Variants in ASTN2 observed in about 807,000 individuals in gnomAD.
The protein encoded by ASTN2 is astrotactin-2.
A neutral mutation model predicts 139.8 loss-of-function variants in ASTN2; 54 were observed. The ratio of observed to expected loss-of-function variants is 0.39; its 90% confidence interval spans 0.31 to 0.48. The LOEUF is 0.48. ASTN2 is among the 20% of genes least tolerant of loss of function. The pLI is 0.95. For synonymous variants in ASTN2, 756 were observed against 719.5 expected (o/e 1.05, Z -0.81); for missense variants, 1,565 against 1,725.1 (o/e 0.91, Z 1.64).
chr9:117,342,863 A>C (rs1245036431), intron 1 of ASTN2, among the ~76,000 whole-genome samples: 2 of 152,198 alleles, frequency 1.3e-5, no homozygotes, highest in African/African-American at 4.8e-5. Context: ...TGGGGAAGCC[A>C]AGGGTACTGT....
At chr9:116,726,048 GC>G in intron 15 of ASTN2, 98 bp from the exon 16 acceptor site, 1 of 1,213,998 alleles carries the variant, frequency 8.2e-7, no homozygotes, top group South Asian at 1.5e-5. Flanking sequence ...TGTATTTTGT[GC>G]CTTACCCCTC....
intron 13 of ASTN2, among the ~76,000 whole-genome samples, chr9:116,759,203 T>A (rs1829611333): frequency 6.6e-6 from 1 of 152,198 alleles, no homozygotes; most frequent in Non-Finnish European, 1.5e-5. Flanking sequence ...ATATCTATCA[T>A]AGACTCTACC....
At chr9:116,449,166 G>A (rs1453435939) in intron 20 of ASTN2, among the ~76,000 whole-genome samples, 1 of 152,202 alleles carries the variant, frequency 6.6e-6, no homozygotes, top group Non-Finnish European at 1.5e-5. Flanking sequence ...AGCACTTTGG[G>A]AGACCGAGGC....
At chr9:116,849,918 A>G (rs528855986) in intron 11 of ASTN2, among the ~76,000 whole-genome samples, 1 of 152,302 alleles carries the variant, frequency 6.6e-6, no homozygotes, top group Non-Finnish European at 1.5e-5. Context: ...GTGGGTATAT[A>G]TTTATTCAGC....
chr9:116,482,048 C>G (rs557752859), intron 20 of ASTN2, among the ~76,000 whole-genome samples: 1 of 152,172 alleles, frequency 6.6e-6, no homozygotes, highest in Admixed American at 6.5e-5. Context: ...ACTACCCGGC[C>G]GGGCACAGTG....
intron 3 of ASTN2, among the ~76,000 whole-genome samples, chr9:117,185,031 A>G (rs1831162867): frequency 6.6e-6 from 1 of 152,120 alleles, no homozygotes; most frequent in South Asian, 2.1e-4. Flanking sequence ...TCCACGATTG[A>G]GGCACTGTAT....
At chr9:116,501,943 G>GCA (rs1170357471) in intron 19 of ASTN2, among the ~76,000 whole-genome samples, 4 of 150,958 alleles carry the variant, frequency 2.6e-5, no homozygotes, top group East Asian at 1.9e-4. Flanking sequence ...ACTCGCACTT[G>GCA]CACACACACA....
chr9:116,609,914 T>C (rs2131794676), intron 19 of ASTN2, among the ~76,000 whole-genome samples: 1 of 152,228 alleles, frequency 6.6e-6, no homozygotes, highest in East Asian at 1.9e-4. Context: ...ATGTTAGATA[T>C]TCATGCTGTA....
intron 13 of ASTN2, among the ~76,000 whole-genome samples, chr9:116,801,279 G>C (rs1483620232): frequency 2.0e-5 from 3 of 152,038 alleles, no homozygotes; most frequent in Admixed American, 1.3e-4. Context: ...CAGGAAGGGA[G>C]ACTTGAAAAA....
chr9:117,259,266 A>G (rs1285203495), intron 2 of ASTN2, among the ~76,000 whole-genome samples: 3 of 152,176 alleles, frequency 2.0e-5, no homozygotes, highest in Non-Finnish European at 2.9e-5. Context: ...GTATTCACTC[A>G]TCCCTGCTTT....
At chr9:116,457,132 G>C (rs1848356327) in intron 20 of ASTN2, among the ~76,000 whole-genome samples, 1 of 152,164 alleles carries the variant, frequency 6.6e-6, no homozygotes, top group Non-Finnish European at 1.5e-5. Flanking sequence ...ATGGTGCTGA[G>C]AAAACTGGGT....
At chr9:117,036,505 C>T (rs1257522299) in intron 6 of ASTN2, among the ~76,000 whole-genome samples, 2 of 152,166 alleles carry the variant, frequency 1.3e-5, no homozygotes, top group African/African-American at 4.8e-5. Context: ...AGGGAGCATC[C>T]CTTTCATATG....
chr9:116,834,826 T>C (rs1252244811), intron 11 of ASTN2, among the ~76,000 whole-genome samples: 1 of 152,170 alleles, frequency 6.6e-6, no homozygotes, highest in African/African-American at 2.4e-5. Context: ...GGCAGGATGG[T>C]CACTTAAGGC....
chr9:117,013,534 A>G (rs1458704261), intron 6 of ASTN2, among the ~76,000 whole-genome samples: 2 of 151,014 alleles, frequency 1.3e-5, no homozygotes, highest in African/African-American at 2.4e-5. Context: ...TCATCTAATT[A>G]GCTAAATGGA....
chr9:116,885,692 CA>C (rs908403611), intron 10 of ASTN2, among the ~76,000 whole-genome samples: 9 of 150,794 alleles, frequency 6.0e-5, no homozygotes, highest in African/African-American at 1.7e-4. Context: ...AACAAACAAA[CA>C]AAAAAAAACC....
chr9:116,817,280 C>T (rs1022598582), intron 12 of ASTN2, among the ~76,000 whole-genome samples: 65 of 148,300 alleles, frequency 4.4e-4, no homozygotes, highest in African/African-American at 1.6e-3. Context: ...GGTGACAGAG[C>T]GAGACTCCAT....
chr9:116,832,340 C>A (rs182408266), intron 11 of ASTN2, among the ~76,000 whole-genome samples: 1 of 151,842 alleles, frequency 6.6e-6, no homozygotes, highest in Non-Finnish European at 1.5e-5. Context: ...TGCCTTCTTC[C>A]TTTTTTGATT....
chr9:117,342,812 C>A (rs1455467033), intron 1 of ASTN2, among the ~76,000 whole-genome samples: 1 of 152,176 alleles, frequency 6.6e-6, no homozygotes, highest in Non-Finnish European at 1.5e-5. Context: ...AGGAACCCTG[C>A]ATATTTCCAT....
intron 5 of ASTN2, among the ~76,000 whole-genome samples, chr9:117,067,487 C>T (rs28830800): frequency 5.8e-4 from 65 of 112,380 alleles, no homozygotes; most frequent in Admixed American, 1.8e-3. Context: ...CTTGGCGATG[C>T]GGGCTCTTTT....
Sources: gnomAD v4.1 joint callset for allele counts (sites outside exome capture counted in the v4.1 genomes callset) on GRCh38, gnomAD v4.1.1 for gene constraint, MANE v1.5 for transcripts, NCBI Gene and HGNC (gene_info 2026-07-23, HGNC 2026-07-21) for gene names.